Variants in PRC1 observed in about 807,000 individuals in gnomAD.
The protein encoded by PRC1 is protein regulator of cytokinesis 1.
A neutral mutation model predicts 91.2 loss-of-function variants in PRC1; 54 were observed. The observed-to-expected ratio is 0.59, with a 90% CI of 0.48 to 0.74. PRC1 has a LOEUF of 0.74. Among genes scored for constraint, PRC1 ranks in the 30% least tolerant of loss-of-function variants. PRC1 has a pLI of 0.00. For synonymous variants in PRC1, 275 were observed against 263.6 expected (o/e 1.04, Z -0.42); for missense variants, 727 against 746.2 (o/e 0.97, Z 0.30).
chr15:90,980,512 C>G (rs1386280960), intron 6 of PRC1, 123 bp from the exon 7 acceptor site: 1 of 443,692 alleles, frequency 2.3e-6, no homozygotes, highest in African/African-American at 2.9e-5. Flanking sequence ...TAAATCAACA[C>G]TTTTTTTTTT....
In PRC1 at chr15:90,980,980, T is replaced by A. The variant is rs772926435; in HGVS notation, c.726A>T (p.Gln242His). ...GCAACCTGTCCCAGAGCTCTCGGATTTGAGTACGCAGCCCCTCACACACTG... is the reference window on the plus strand; with the variant it reads ...GCAACCTGTCCCAGAGCTCTCGGATATGAGTACGCAGCCCCTCACACACTG... Reference protein sequence around the residue: ...NEAVCEGLRTQIRELWDRLQI... With the variant: ...NEAVCEGLRTHIRELWDRLQI... Residue 242 changes from glutamine to histidine, a missense_variant, in exon 6 of 15, where the codon CAA becomes CAT. Gln to His is a conservative substitution (Grantham distance 24). Coordinates refer to ENST00000394249, the MANE Select transcript of PRC1 (RefSeq NM_003981.4). 6.2e-7 allele frequency: 1 copy of A among 1,614,236 alleles called. No individual in the cohort carries two copies. The highest frequency in any genetic ancestry group is 1.1e-5 in the South Asian group (1 of 91,088).
intron 1 of PRC1, among the ~76,000 whole-genome samples, chr15:90,991,916 G>A (rs2040003679): frequency 6.6e-6 from 1 of 152,062 alleles, no homozygotes. Flanking sequence ...CTAAGGAAAA[G>A]CCTCTGACTT....
chr15:90,984,206 C>G lies in PRC1; in HGVS notation c.145-66G>C, dbSNP rs772988312. The G allele has an allele frequency of 3.9e-6, 6 of 1,556,194 alleles. No individual in the cohort carries two copies. The highest frequency in any genetic ancestry group is 5.2e-6 in the Non-Finnish European group (6 of 1,145,750). On this transcript the variant is annotated intron_variant, in intron 2 of 14. Coordinates refer to ENST00000394249, the MANE Select transcript of PRC1 (RefSeq NM_003981.4). The surrounding 1 kb of genome is among the most constrained non-coding windows in gnomAD (Gnocchi z 5.1). ...GGAAAAAAACTCCCAACACCAATACCAAACTCCTCAAATTTCTTTTTTCTT... is the reference window on the plus strand; with the variant it reads ...GGAAAAAAACTCCCAACACCAATACGAAACTCCTCAAATTTCTTTTTTCTT...
At chr15:90,976,622 A>T (rs1015393839) in intron 9 of PRC1, 54 bp downstream of exon 9, 2 of 1,366,836 alleles carry the variant, frequency 1.5e-6, no homozygotes, top group Non-Finnish European at 2.1e-6. Context: ...AAGACATACA[A>T]ATAGTGAGGT....
At chr15:90,969,692 G>T in intron 12 of PRC1, 69 bp from the exon 13 acceptor site, 1 of 1,382,464 alleles carries the variant, frequency 7.2e-7, no homozygotes. Context: ...CACAATACCT[G>T]CACTGGTCAA....
chr15:90,977,063 T>C (rs1436730883), intron 8 of PRC1: 2 of 170,210 alleles, frequency 1.2e-5, no homozygotes, highest in Non-Finnish European at 2.3e-5. Flanking sequence ...CTGGGTGGCG[T>C]GCAGTGAGCC....
intron 11 of PRC1, among the ~76,000 whole-genome samples, chr15:90,971,454 T>G (rs967434492): frequency 6.6e-6 from 1 of 152,082 alleles, no homozygotes; most frequent in Non-Finnish European, 1.5e-5. Flanking sequence ...ACCAGCTAAT[T>G]TTTGTATTTG....
In PRC1 at chr15:90,966,754, G is replaced by A. The variant is rs2151389775; in HGVS notation, c.*377C>T. 2 of 432,672 alleles carry A rather than the reference G, an allele frequency of 4.6e-6. No individual in the cohort carries two copies. Among genetic ancestry groups the A allele is most frequent in the South Asian group, 1.7e-5 (1 of 58,054 alleles). The allele number at this position is 432,672 out of a possible 1,614,324, so 26.8% of individuals were successfully genotyped here. A position where few individuals can be genotyped will look rare whatever the true frequency, so the allele number is the denominator to read the frequency against. On this transcript the variant is annotated 3_prime_UTR_variant, in exon 15 of 15. Transcript: ENST00000394249. ...AAAAAGATGTTAATTACTAGTTACA[G>A]GTATACATGCCAAAATTACCCCCAG...
chr15:90,968,738 T>A, intron 14 of PRC1: 2 of 1,149,520 alleles, frequency 1.7e-6, no homozygotes, highest in Non-Finnish European at 2.2e-6. Context: ...AGCACACAGC[T>A]GGGGCTCCCT....
intron 14 of PRC1, chr15:90,967,834 G>C (rs1464774774): frequency 1.0e-6 from 1 of 984,864 alleles, no homozygotes; most frequent in Admixed American, 6.1e-5. Flanking sequence ...AGCGAGGCAT[G>C]ACTCTACTTC....
At position 90,967,052 on chromosome 15, in the gene PRC1, G is replaced by A. The variant is rs11540565; in HGVS notation, c.*79C>T. 0.069 allele frequency: 92,923 copies of A among 1,355,788 alleles called. 3,724 individuals carry two copies. Among genetic ancestry groups the A allele is most frequent in the South Asian group, 0.14 (11,689 of 83,558 alleles). 84.0% of individuals were successfully genotyped at this position (1,355,788 alleles called of 1,614,324 possible). On this transcript the variant is annotated 3_prime_UTR_variant, in exon 15 of 15. Transcript: ENST00000394249. Reference sequence around the variant, plus strand: ...AGGTTTCAAGCACGCCTAAGCTGAAGAAAAACTAAAGTCACCCCCATATAA... The same window carrying A: ...AGGTTTCAAGCACGCCTAAGCTGAAAAAAAACTAAAGTCACCCCCATATAA...
chr15:90,980,496 G>C, intron 6 of PRC1, 107 bp from the exon 7 acceptor site: 1 of 941,966 alleles, frequency 1.1e-6, no homozygotes, highest in Non-Finnish European at 1.5e-6. Flanking sequence ...AGCCACAAAG[G>C]TATTATAAAT....
Position 90,974,372 on chromosome 15 carries a change from C to T in PRC1, c.1351-126G>A, listed in dbSNP as rs2038469221. The stretch of plus-strand genomic sequence containing the variant: ...GCCAGAGCTAAAGAGCTGCCGCGGG[C>T]TCCCCGTTCCACAAGCCCCGGTCCC... On this transcript the variant is annotated intron_variant, in intron 10 of 14. Transcript: ENST00000394249. This position sits in a 1 kb window ranked among gnomAD's most constrained non-coding sequence, Gnocchi z 4.6. The T allele has an allele frequency of 1.9e-6, 2 of 1,064,056 alleles. No homozygotes were observed. The highest frequency in any genetic ancestry group is 2.7e-6 in the Non-Finnish European group (2 of 735,590). The allele number at this position is 1,064,056 out of a possible 1,614,324, so 65.9% of individuals were successfully genotyped here. A position where few individuals can be genotyped will look rare whatever the true frequency, so the allele number is the denominator to read the frequency against.
chr15:90,967,405 C>G lies in PRC1; in HGVS notation c.1792-203G>C, dbSNP rs59909618. ...GTCACAGACAGAGTGCATGTGCACG[C>G]ATGCCCGTGACCCCTTTTTCCTCAG... On this transcript the variant is annotated intron_variant, in intron 14 of 14. Transcript: ENST00000394249. The G allele has an allele frequency of 6.5e-3, 3,822 of 584,196 alleles. 93 individuals are homozygous for G. The highest frequency in any genetic ancestry group is 0.057 in the African/African-American group (3,038 of 53,618). The allele number at this position is 584,196 out of a possible 1,614,324, so 36.2% of individuals were successfully genotyped here.
Position 90,974,088 on chromosome 15 carries a change from C to A in PRC1, c.1461+48G>T. On this transcript the variant is annotated intron_variant, in intron 11 of 14. Coordinates refer to ENST00000394249, the MANE Select transcript of PRC1 (RefSeq NM_003981.4). The surrounding 1 kb of genome is among the most constrained non-coding windows in gnomAD (Gnocchi z 4.6). ...CCTTCAAAGAGGTGGCTGGGACTAC[C>A]CTCACCCACTCCCTTGAAATCAGTG... 1 of 1,534,564 alleles carries A rather than the reference C, an allele frequency of 6.5e-7. No individual in the cohort carries two copies. The highest frequency in any genetic ancestry group is 1.1e-5 in the South Asian group (1 of 89,214).
chr15:90,993,912 C>A (rs1299501891), intron 1 of PRC1, among the ~76,000 whole-genome samples: 1 of 110,190 alleles, frequency 9.1e-6, no homozygotes, highest in Admixed American at 9.6e-5. Context: ...GACCGCGTTT[C>A]CACAAAAATA....
rs536036730 is a variant in PRC1, at chr15:90,980,574, A to G, written c.823-185T>C. On this transcript the variant is annotated intron_variant, in intron 6 of 14. Transcript: ENST00000394249. ...CACTCTCTCGCCCAGACAGGAGTGC[A>G]GTGGCGCGATTCTGGCTCACTGCAA... 100 of 721,816 alleles carry G rather than the reference A, an allele frequency of 1.4e-4. 1 individual carries two copies. The South Asian group carries it at 1.9e-3, about 14-fold the overall frequency. 44.7% of individuals were successfully genotyped at this position (721,816 alleles called of 1,614,324 possible).
At chr15:90,980,552 T>C (rs1160099288) in intron 6 of PRC1, 163 bp from the exon 7 acceptor site, 6 of 811,178 alleles carry the variant, frequency 7.4e-6, no homozygotes, top group East Asian at 2.9e-5. Flanking sequence ...AGGGTCTCAC[T>C]CTCTCGCCCA....
chr15:90,975,370 C>G (rs2038585778), intron 9 of PRC1, among the ~76,000 whole-genome samples: 1 of 152,136 alleles, frequency 6.6e-6, no homozygotes, highest in Non-Finnish European at 1.5e-5. Flanking sequence ...GAGTGAGACA[C>G]CACGCCCGGC....
Sources: allele counts gnomAD v4.1 joint callset (sites outside exome capture counted in the v4.1 genomes callset), GRCh38; gene constraint gnomAD v4.1.1; non-coding constraint Gnocchi (gnomAD v3.1); transcripts MANE v1.5; gene names NCBI Gene and HGNC (gene_info 2026-07-23, HGNC 2026-07-21).